FMN2: variants seen among roughly 807,000 people sequenced by gnomAD.
FMN2 encodes formin-2.
A neutral mutation model predicts 142.3 loss-of-function variants in FMN2; 51 were observed. The ratio of observed to expected loss-of-function variants is 0.36; its 90% CI spans 0.29 to 0.45. FMN2 has a LOEUF of 0.45. Among genes scored for constraint, FMN2 ranks in the 20% least tolerant of loss-of-function variants. The probability of loss-of-function intolerance (pLI) is 1.00; values close to 1 mark genes in which losing one functional copy is unlikely to be tolerated. For missense variants in FMN2, 1,936 were observed against 2,122.8 expected (o/e 0.91, Z 1.73); for synonymous variants, 882 against 869.8 (o/e 1.01, Z -0.25).
At chr1:240,398,387 G>T (rs1673860922) in intron 15 of FMN2, among the ~76,000 whole-genome samples, 1 of 152,142 alleles carries the variant, frequency 6.6e-6, no homozygotes, top group South Asian at 2.1e-4. Context: ...TAGCAAACTA[G>T]TAAACAGAAT....
chr1:240,186,812 C>A (rs1665473260), intron 3 of FMN2, among the ~76,000 whole-genome samples: 2 of 152,084 alleles, frequency 1.3e-5, no homozygotes, highest in Admixed American at 1.3e-4. Flanking sequence ...CCTTGTGGGT[C>A]CCTGTGGAGA....
intron 16 of FMN2, among the ~76,000 whole-genome samples, chr1:240,450,292 A>C (rs949306774): frequency 1.3e-5 from 2 of 152,224 alleles, no homozygotes; most frequent in Non-Finnish European, 2.9e-5. Flanking sequence ...GATTATGAAT[A>C]CAACAGAGGT....
intron 13 of FMN2, among the ~76,000 whole-genome samples, chr1:240,345,252 A>T (rs1671869598): frequency 6.6e-6 from 1 of 152,230 alleles, no homozygotes; most frequent in South Asian, 2.1e-4. Context: ...GCCTGACAAC[A>T]TGTTAAATAT....
intron 13 of FMN2, among the ~76,000 whole-genome samples, chr1:240,339,339 A>AT (rs56380168): frequency 1.3e-3 from 201 of 151,384 alleles, no homozygotes; most frequent in African/African-American, 4.6e-3. Flanking sequence ...CTATTTTATT[A>AT]TTTTTTTTTA....
chr1:240,262,917 C>T (rs992989362), intron 7 of FMN2, among the ~76,000 whole-genome samples: 74 of 152,000 alleles, frequency 4.9e-4, no homozygotes, highest in African/African-American at 1.4e-3. Context: ...CCTGCCACCA[C>T]GCCCAGCTAA....
chr1:240,329,430 A>AT lies in FMN2; in HGVS notation c.4401dup (p.Arg1468SerfsTer12). ...CACATTTTCAGAAAGCATTTGCTCAATTCGTCGCAAACTGGAATTACTACA... is the reference window on the plus strand; with the variant it reads ...CACATTTTCAGAAAGCATTTGCTCAATTTCGTCGCAAACTGGAATTACTACA... On this transcript the variant is annotated frameshift_variant, in exon 10 of 18. Coordinates refer to ENST00000319653, the MANE Select transcript of FMN2 (RefSeq NM_020066.5). LOFTEE classifies it high-confidence loss of function. 6.2e-7 allele frequency: 1 copy of AT among 1,614,086 alleles called. No homozygotes were observed. Among genetic ancestry groups the AT allele is most frequent in the Non-Finnish European group, 8.5e-7 (1 of 1,179,968 alleles).
chr1:240,144,187 A>G lies in FMN2; in HGVS notation c.1782+20842A>G, dbSNP rs568467054. On this transcript the variant is annotated intron_variant, in intron 2 of 17. Transcript: ENST00000319653. ...CCGTGGTCCTTGTTCTTGTAAAGCCATTTGTTGCCATCATCGTTAGCAGCT... is the reference window on the plus strand; with the variant it reads ...CCGTGGTCCTTGTTCTTGTAAAGCCGTTTGTTGCCATCATCGTTAGCAGCT... 152 of 1,484,192 alleles carry G rather than the reference A, an allele frequency of 1.0e-4. No homozygotes were observed. In the African/African-American group the frequency reaches 1.9e-3, roughly 19 times the overall value. The allele number at this position is 1,484,192 out of a possible 1,614,324, so 91.9% of individuals were successfully genotyped here.
intron 15 of FMN2, among the ~76,000 whole-genome samples, chr1:240,416,052 A>G (rs1674565498): frequency 6.6e-6 from 1 of 152,046 alleles, no homozygotes; most frequent in Non-Finnish European, 1.5e-5. Context: ...CTCTTTCTGT[A>G]TGTGAAACTA....
intron 1 of FMN2, among the ~76,000 whole-genome samples, chr1:240,109,659 G>A (rs188205974): frequency 9.2e-5 from 14 of 152,116 alleles, no homozygotes; most frequent in Admixed American, 3.9e-4. Flanking sequence ...GAACTGAGAC[G>A]CACATTTGAT....
intron 8 of FMN2, among the ~76,000 whole-genome samples, chr1:240,310,770 G>T (rs1246896428): frequency 3.3e-5 from 5 of 152,050 alleles, no homozygotes; most frequent in Non-Finnish European, 7.4e-5. Context: ...TGTGGTGTGG[G>T]GAATGAGGGA....
At chr1:240,123,031 C>T (rs1208094336) in intron 1 of FMN2, 148 bp from the exon 2 acceptor site, 2 of 820,978 alleles carry the variant, frequency 2.4e-6, no homozygotes, top group Non-Finnish European at 3.7e-6. Context: ...AGAGCTTTCT[C>T]CTAGCTTGAG....
At chr1:240,322,102 G>A (rs1446810395) in intron 8 of FMN2, among the ~76,000 whole-genome samples, 1 of 151,940 alleles carries the variant, frequency 6.6e-6, no homozygotes, top group African/African-American at 2.4e-5. Flanking sequence ...ACAAAAAGCC[G>A]ATTTTATATA....
rs763715041 is a variant in FMN2 at position 240,474,124 on chromosome 1, T to C, written c.5143-4T>C. On this transcript the variant is annotated splice_region_variant and splice_polypyrimidine_tract_variant and intron_variant, in intron 17 of 17. Coordinates refer to ENST00000319653, the MANE Select transcript of FMN2 (RefSeq NM_020066.5). ...AAACTTTTATCTGGTGTATTTGTTT[T>C]CAGAAAGCAAAGATAAGCATGAAAA... The C allele has an allele frequency of 2.6e-6, 4 of 1,561,914 alleles. No individual in the cohort carries two copies.
In FMN2 at chr1:240,416,209, G is replaced by C. The variant is rs574153823; in HGVS notation, c.4911-21852G>C. Among the ~76,000 whole-genome samples, 18 of 150,760 alleles carry C rather than the reference G, an allele frequency of 1.2e-4. No individual in the cohort carries two copies. In the South Asian group the frequency reaches 2.7e-3, roughly 23 times the overall value. On this transcript the variant is annotated intron_variant, in intron 15 of 17. Coordinates refer to ENST00000319653, the MANE Select transcript of FMN2 (RefSeq NM_020066.5). ...ATTTACTTTATTATCATAAAATAACGACTTAAGAAAGAAACAAAAAGCAAT... is the reference window on the plus strand; with the variant it reads ...ATTTACTTTATTATCATAAAATAACCACTTAAGAAAGAAACAAAAAGCAAT...
At chr1:240,214,089 C>T (rs182945720) in intron 6 of FMN2, among the ~76,000 whole-genome samples, 1 of 152,162 alleles carries the variant, frequency 6.6e-6, no homozygotes, top group African/African-American at 2.4e-5. Flanking sequence ...TTCTTCATTT[C>T]TCCTTCTTTA....
At chr1:240,095,201 T>A (rs1661155682) in intron 1 of FMN2, among the ~76,000 whole-genome samples, 1 of 152,202 alleles carries the variant, frequency 6.6e-6, no homozygotes. Flanking sequence ...ATCACATATT[T>A]TCTCTTTATC....
chr1:240,133,635 A>G (rs1662827123), intron 2 of FMN2, among the ~76,000 whole-genome samples: 1 of 151,912 alleles, frequency 6.6e-6, no homozygotes, highest in African/African-American at 2.4e-5. Context: ...CTAATTGTCC[A>G]TGTCTTCTCT....
intron 7 of FMN2, among the ~76,000 whole-genome samples, chr1:240,280,163 T>C (rs1331355637): frequency 6.6e-6 from 1 of 152,148 alleles, no homozygotes; most frequent in Non-Finnish European, 1.5e-5. Context: ...TTCTTCCCCC[T>C]ACCTCAGCAT....
At chr1:240,189,366 AT>A (rs1665613540) in intron 4 of FMN2, among the ~76,000 whole-genome samples, 1 of 152,196 alleles carries the variant, frequency 6.6e-6, no homozygotes, top group Non-Finnish European at 1.5e-5. Context: ...CTAGGAGAAA[AT>A]GAGGAGACAC....
Sources: allele counts gnomAD v4.1 joint callset (sites outside exome capture counted in the v4.1 genomes callset), GRCh38; gene constraint gnomAD v4.1.1; transcripts MANE v1.5; gene names NCBI Gene and HGNC (gene_info 2026-07-23, HGNC 2026-07-21).